HCN1: variants seen among roughly 807,000 people sequenced by gnomAD.
HCN1 encodes the protein hyperpolarization activated cyclic nucleotide gated potassium channel 1.
Under a neutral mutation model 78.9 loss-of-function variants are expected in HCN1, and 13 were observed. The observed-to-expected ratio is 0.16, with a 90% CI of 0.11 to 0.26. HCN1 has a LOEUF of 0.26. HCN1 is among the 10% of genes least tolerant of loss of function. HCN1 has a pLI of 1.00. For missense variants in HCN1, 810 were observed against 1,154.3 expected (o/e 0.70, Z 4.32); for synonymous variants, 552 against 455.5 (o/e 1.21, Z -2.70).
chr5:45,298,931 G>A (rs1745552013), intron 6 of HCN1, among the ~76,000 whole-genome samples: 1 of 152,030 alleles, frequency 6.6e-6, no homozygotes, highest in Non-Finnish European at 1.5e-5. Flanking sequence ...TCAATATGAT[G>A]TGATGAGAAT....
At chr5:45,620,824 T>A (rs1291147730) in intron 2 of HCN1, among the ~76,000 whole-genome samples, 1 of 152,156 alleles carries the variant, frequency 6.6e-6, no homozygotes, top group Non-Finnish European at 1.5e-5. Context: ...CAGTACCCTA[T>A]CTAACAAACC....
intron 5 of HCN1, among the ~76,000 whole-genome samples, chr5:45,324,421 TCA>T (rs911734210): frequency 1.3e-5 from 2 of 151,860 alleles, no homozygotes; most frequent in Admixed American, 1.3e-4. Flanking sequence ...TCACTGGCCA[TCA>T]GAGAAATGCA....
At chr5:45,481,084 A>C (rs1362224995) in intron 2 of HCN1, among the ~76,000 whole-genome samples, 1 of 152,232 alleles carries the variant, frequency 6.6e-6, no homozygotes, top group Non-Finnish European at 1.5e-5. Context: ...AGGGACTAAC[A>C]GTTCAGTAAA....
At chr5:45,291,811 C>T (rs1501364) in intron 6 of HCN1, among the ~76,000 whole-genome samples, 151,853 of 152,164 alleles carry the variant, frequency 1, 75,771 homozygotes, top group East Asian at 1. Context: ...AATACAGGCA[C>T]AAGCCACCAC....
chr5:45,283,955 G>A (rs1579778370), intron 6 of HCN1, among the ~76,000 whole-genome samples: 1 of 152,172 alleles, frequency 6.6e-6, no homozygotes, highest in African/African-American at 2.4e-5. Context: ...AGAATACTAT[G>A]CAGCCACAGA....
At chr5:45,372,344 T>A (rs1747415990) in intron 4 of HCN1, among the ~76,000 whole-genome samples, 1 of 105,360 alleles carries the variant, frequency 9.5e-6, no homozygotes, top group South Asian at 2.5e-4. Flanking sequence ...ATATATCATA[T>A]ATATTTTACA....
At chr5:45,459,896 C>T (rs1741111302) in intron 3 of HCN1, among the ~76,000 whole-genome samples, 1 of 151,992 alleles carries the variant, frequency 6.6e-6, no homozygotes, top group Admixed American at 6.6e-5. Context: ...ACAATTATTA[C>T]TATTTTTACC....
intron 2 of HCN1, among the ~76,000 whole-genome samples, chr5:45,526,889 C>A (rs955420644): frequency 6.6e-6 from 1 of 151,972 alleles, no homozygotes; most frequent in African/African-American, 2.4e-5. Flanking sequence ...ATTACCCCTG[C>A]CACACAGAGG....
Position 45,396,724 on chromosome 5 carries a change from T to C in HCN1, c.1012-14A>G, listed in dbSNP as rs112775315. On this transcript the variant is annotated splice_polypyrimidine_tract_variant and intron_variant, in intron 3 of 7. Transcript: ENST00000303230. ...CCAAGAATCATTCTGCAACATAAGA[T>C]AAAAAGAAAATTGACTGAGCCATTA... is the stretch of plus-strand genomic sequence containing the variant. 8.7e-4 allele frequency: 1,395 copies of C among 1,607,084 alleles called. 15 individuals are homozygous for C. The African/African-American group carries it at 0.017, about 19-fold the overall frequency.
chr5:45,373,603 A>G (rs1272509699), intron 4 of HCN1, among the ~76,000 whole-genome samples: 5 of 139,308 alleles, frequency 3.6e-5, no homozygotes, highest in Non-Finnish European at 7.6e-5. Context: ...CATACGGTAT[A>G]TACGTCATCT....
chr5:45,654,879 T>C (rs1189323954), intron 1 of HCN1, among the ~76,000 whole-genome samples: 1 of 152,178 alleles, frequency 6.6e-6, no homozygotes, highest in Non-Finnish European at 1.5e-5. Flanking sequence ...CCCTCATTGC[T>C]ATTGTAATCC....
intron 3 of HCN1, among the ~76,000 whole-genome samples, chr5:45,404,693 C>CAAAAAAAAAAAAAAA (rs60728403): frequency 5.3e-4 from 30 of 56,244 alleles, no homozygotes; most frequent in Non-Finnish European, 5.9e-4. Context: ...GGGCTATTTG[C>CAAAAAAAAAAAAAAA]AAAAAAAAAA....
chr5:45,502,153 A>T (rs1193255918), intron 2 of HCN1, among the ~76,000 whole-genome samples: 2 of 152,114 alleles, frequency 1.3e-5, no homozygotes, highest in Non-Finnish European at 2.9e-5. Flanking sequence ...ATTTTATGAC[A>T]TCTATACTTT....
intron 2 of HCN1, among the ~76,000 whole-genome samples, chr5:45,495,600 C>T (rs1742008456): frequency 6.6e-6 from 1 of 152,192 alleles, no homozygotes; most frequent in Non-Finnish European, 1.5e-5. Context: ...ATTTCCTTCT[C>T]CTAACTGATT....
intron 5 of HCN1, among the ~76,000 whole-genome samples, chr5:45,333,875 C>A (rs1746397482): frequency 6.6e-6 from 1 of 151,736 alleles, no homozygotes. Flanking sequence ...TCCTTGCCAT[C>A]ATTTGTTATT....
chr5:45,377,306 A>G (rs746110272), intron 4 of HCN1, among the ~76,000 whole-genome samples: 2 of 152,008 alleles, frequency 1.3e-5, no homozygotes, highest in Non-Finnish European at 2.9e-5. Flanking sequence ...ACTTAATAAA[A>G]TTTCACATTT....
chr5:45,632,767 A>G (rs886571494), intron 2 of HCN1, among the ~76,000 whole-genome samples: 1 of 152,052 alleles, frequency 6.6e-6, no homozygotes, highest in Admixed American at 6.6e-5. Flanking sequence ...CTATCAATAC[A>G]TGGATTCTCT....
intron 6 of HCN1, among the ~76,000 whole-genome samples, chr5:45,299,352 AAAGG>A (rs754492832): frequency 2.8e-4 from 43 of 152,110 alleles, no homozygotes; most frequent in Admixed American, 6.6e-4. Flanking sequence ...CCTGTAATAA[AAAGG>A]AAGTAAAAGT....
At chr5:45,670,164 T>C (rs1746122412) in intron 1 of HCN1, among the ~76,000 whole-genome samples, 1 of 151,624 alleles carries the variant, frequency 6.6e-6, no homozygotes, top group East Asian at 1.9e-4. Flanking sequence ...ATAGATGTAA[T>C]GTATCTGCCA....
Sources: gnomAD v4.1 joint callset for allele counts (sites outside exome capture counted in the v4.1 genomes callset) on GRCh38, gnomAD v4.1.1 for gene constraint, MANE v1.5 for transcripts, NCBI Gene and HGNC (gene_info 2026-07-23, HGNC 2026-07-21) for gene names.